The following SUSD4 variants were observed in gnomAD, a reference collection of about 807,000 sequenced individuals.
SUSD4 encodes the protein sushi domain containing 4.
Under a neutral mutation model 50.5 loss-of-function variants are expected in SUSD4, and 41 were observed. The ratio of observed to expected loss-of-function variants is 0.81; its 90% CI spans 0.63 to 1.05. The LOEUF (loss-of-function observed/expected upper bound fraction) is 1.05. Ranked by LOEUF, SUSD4 falls within the 50% of genes least tolerant of loss-of-function variation. The probability of loss-of-function intolerance (pLI) is 0.00; values close to 1 mark genes in which losing one functional copy is unlikely to be tolerated. For synonymous variants in SUSD4, 257 were observed against 257.3 expected, an observed-to-expected ratio of 1.00 and a Z score of 0.01; for missense variants, 580 against 634.7, an observed-to-expected ratio of 0.91 and a Z score of 0.93.
At chr1:223,304,205 T>C (rs934966044) in intron 2 of SUSD4, among the ~76,000 whole-genome samples, 9 of 152,172 alleles carry the variant, frequency 5.9e-5, no homozygotes, top group African/African-American at 2.2e-4. Flanking sequence ...TTTTCTGGGA[T>C]AGGAATCTTG....
At chr1:223,307,068 C>T (rs79126276) in intron 2 of SUSD4, among the ~76,000 whole-genome samples, 7,213 of 146,592 alleles carry the variant, frequency 0.049, 226 homozygotes, top group East Asian at 0.12. Flanking sequence ...AGGATCTCAA[C>T]ACATTGCCTA....
chr1:223,226,285 G>A (rs1250060146), intron 7 of SUSD4, among the ~76,000 whole-genome samples: 3 of 152,224 alleles, frequency 2.0e-5, no homozygotes, highest in Non-Finnish European at 2.9e-5. Flanking sequence ...TGGAGAGGAA[G>A]GAAGGTTTCA....
intron 5 of SUSD4, among the ~76,000 whole-genome samples, chr1:223,255,626 GC>G (rs1207832051): frequency 6.6e-6 from 1 of 152,128 alleles, no homozygotes; most frequent in Non-Finnish European, 1.5e-5. Flanking sequence ...AGAACCCCTG[GC>G]CAAGCATTAC....
upstream of SUSD4, among the ~76,000 whole-genome samples, chr1:223,364,963 C>T (rs1180577266): frequency 6.6e-6 from 1 of 152,190 alleles, no homozygotes; most frequent in Non-Finnish European, 1.5e-5. This position sits in a 1 kb window ranked among gnomAD's most constrained non-coding sequence, Gnocchi z 4.5. Flanking sequence ...CTCTGCCAGC[C>T]GCAGGTGTTG....
intron 5 of SUSD4, among the ~76,000 whole-genome samples, chr1:223,261,084 G>T (rs1662086605): frequency 6.6e-6 from 1 of 152,144 alleles, no homozygotes; most frequent in Admixed American, 6.5e-5. Context: ...ACCTCTGCCT[G>T]GCTCACTGGC....
chr1:223,362,040 T>TA (rs150293074), intron 2 of SUSD4, among the ~76,000 whole-genome samples: 4,553 of 149,962 alleles, frequency 0.03, 265 homozygotes, highest in East Asian at 0.19. Context: ...TATTCCTTCT[T>TA]AAAAAAAAAA....
At chr1:223,319,280 C>A (rs1395777440) in intron 2 of SUSD4, among the ~76,000 whole-genome samples, 1 of 131,652 alleles carries the variant, frequency 7.6e-6, no homozygotes, top group African/African-American at 2.9e-5. Context: ...AAAGCAATGG[C>A]AACAAAAGCC....
chr1:223,280,403 G>T (rs2995116), intron 3 of SUSD4, among the ~76,000 whole-genome samples: 1 of 151,780 alleles, frequency 6.6e-6, no homozygotes, highest in Non-Finnish European at 1.5e-5. Flanking sequence ...TCTACCAAGC[G>T]AATGGAAAAC....
intron 4 of SUSD4, among the ~76,000 whole-genome samples, chr1:223,267,341 G>A (rs984601371): frequency 6.6e-6 from 1 of 152,174 alleles, no homozygotes; most frequent in Non-Finnish European, 1.5e-5. Flanking sequence ...AACAGGAAGG[G>A]AAGAAGTGGC....
intron 5 of SUSD4, among the ~76,000 whole-genome samples, chr1:223,256,423 G>A (rs1418420765): frequency 6.6e-6 from 1 of 152,188 alleles, no homozygotes; most frequent in African/African-American, 2.4e-5. Context: ...GTTGTCTAGA[G>A]GCTGACTAAA....
chr1:223,292,006 C>A (rs1392311964), intron 3 of SUSD4, among the ~76,000 whole-genome samples: 7 of 152,166 alleles, frequency 4.6e-5, no homozygotes, highest in Non-Finnish European at 1.0e-4. Flanking sequence ...TGCATCACAT[C>A]TAACACAGAA....
intron 3 of SUSD4, among the ~76,000 whole-genome samples, chr1:223,277,660 T>C (rs943156471): frequency 4.6e-5 from 7 of 152,160 alleles, no homozygotes; most frequent in African/African-American, 1.4e-4. Flanking sequence ...ACAGGCAGCC[T>C]GGGTTGCACA....
chr1:223,233,121 T>C (rs755317226), intron 5 of SUSD4, among the ~76,000 whole-genome samples: 2 of 152,216 alleles, frequency 1.3e-5, no homozygotes, highest in Non-Finnish European at 2.9e-5. Context: ...ACACATCTCA[T>C]CACCACATTT....
intron 3 of SUSD4, among the ~76,000 whole-genome samples, 200 bp from the exon 4 acceptor site, chr1:223,268,875 C>T (rs1233903568): frequency 6.6e-6 from 1 of 152,028 alleles, no homozygotes; most frequent in Non-Finnish European, 1.5e-5. Context: ...GAAGGTGGCT[C>T]AAAAAGAGGG....
chr1:223,317,263 A>G (rs1666254401), intron 2 of SUSD4, among the ~76,000 whole-genome samples: 1 of 152,234 alleles, frequency 6.6e-6, no homozygotes, highest in African/African-American at 2.4e-5. Context: ...GACCAGTGCC[A>G]TGACAGTTTA....
intron 2 of SUSD4, among the ~76,000 whole-genome samples, chr1:223,353,261 C>T (rs191793751): frequency 6.6e-6 from 1 of 152,272 alleles, no homozygotes; most frequent in Non-Finnish European, 1.5e-5. Context: ...TCAGGACCTG[C>T]ACGTGGGAAG....
chr1:223,338,643 G>C (rs1408489472), intron 2 of SUSD4, among the ~76,000 whole-genome samples: 1 of 152,228 alleles, frequency 6.6e-6, no homozygotes, highest in Non-Finnish European at 1.5e-5. Context: ...CTGGAAGAGA[G>C]GCTGGATAAG....
intron 2 of SUSD4, among the ~76,000 whole-genome samples, chr1:223,327,171 G>C (rs1666923306): frequency 6.6e-6 from 1 of 152,148 alleles, no homozygotes; most frequent in Non-Finnish European, 1.5e-5. Flanking sequence ...ACAAAATAAT[G>C]TCTTTGCAGC....
At chr1:223,298,296 T>C (rs956053124) in intron 2 of SUSD4, among the ~76,000 whole-genome samples, 8 of 152,298 alleles carry the variant, frequency 5.3e-5, no homozygotes, top group East Asian at 1.9e-4. Flanking sequence ...CAGGAGCTTA[T>C]GAATTCCACA....
Sources: allele counts gnomAD v4.1 joint callset (sites outside exome capture counted in the v4.1 genomes callset), GRCh38; gene constraint gnomAD v4.1.1; non-coding constraint Gnocchi (gnomAD v3.1); transcripts MANE v1.5; gene names NCBI Gene and HGNC (gene_info 2026-07-23, HGNC 2026-07-21).